The following COLEC12 variants were observed in gnomAD, a reference collection of about 807,000 sequenced individuals.
The protein encoded by COLEC12 is collectin-12.
COLEC12 carries 33 observed loss-of-function variants against 71.1 expected under a neutral mutation model. The ratio of observed to expected loss-of-function variants is 0.46; its 90% CI spans 0.35 to 0.62. The LOEUF is 0.62. COLEC12 is among the 20% of genes least tolerant of loss of function. The pLI is 0.00. For missense variants in COLEC12, 765 were observed against 916.1 expected, an observed-to-expected ratio of 0.84 and a Z score of 2.13; for synonymous variants, 350 against 353.0, an observed-to-expected ratio of 0.99 and a Z score of 0.10.
chr18:433,528 T>C (rs917052471), intron 2 of COLEC12, among the ~76,000 whole-genome samples: 1 of 152,082 alleles, frequency 6.6e-6, no homozygotes, highest in Non-Finnish European at 1.5e-5. Context: ...TTAGGAGATG[T>C]TGCATTCCCC....
At chr18:466,380 C>T (rs1164809886) in intron 2 of COLEC12, among the ~76,000 whole-genome samples, 3 of 152,194 alleles carry the variant, frequency 2.0e-5, no homozygotes, top group Non-Finnish European at 2.9e-5. Flanking sequence ...TGGCCCTCCG[C>T]CTTCTCCCAA....
chr18:397,177 C>T (rs1970643), intron 2 of COLEC12, among the ~76,000 whole-genome samples: 149,731 of 152,312 alleles, frequency 0.98, 73,641 homozygotes, highest in Middle Eastern at 1. Context: ...CCCTCTTATC[C>T]GTGGCTTCTA....
At chr18:368,693 T>C (rs1001818943) in intron 2 of COLEC12, among the ~76,000 whole-genome samples, 6 of 149,508 alleles carry the variant, frequency 4.0e-5, no homozygotes, top group South Asian at 2.1e-4. Context: ...TGAAACCCCG[T>C]CTCCACTAAA....
intron 2 of COLEC12, among the ~76,000 whole-genome samples, chr18:414,170 C>A (rs1450986675): frequency 1.3e-5 from 2 of 152,278 alleles, no homozygotes; most frequent in South Asian, 2.1e-4. Flanking sequence ...CATATTATTT[C>A]TTGCAACTGC....
At chr18:392,921 T>C (rs555449357) in intron 2 of COLEC12, among the ~76,000 whole-genome samples, 1 of 152,382 alleles carries the variant, frequency 6.6e-6, no homozygotes, top group South Asian at 2.1e-4. Flanking sequence ...TCCTTTGTTC[T>C]TGAGGTCTTC....
rs1917796347 is a variant in COLEC12, at chr18:500,321, G to T, written c.7+187C>A. Among the ~76,000 whole-genome samples the T allele has an allele frequency of 6.6e-6, 1 of 152,112 alleles. No homozygotes were observed. The highest frequency in any genetic ancestry group is 6.5e-5 in the Admixed American group (1 of 15,280). The stretch of plus-strand genomic sequence containing the variant: ...CAAAACCCCAACCTCGAGGTCTCCA[G>T]CCGCGCCTGACCCGGGAGCCGGGTG... On this transcript the variant is annotated intron_variant, in intron 1 of 9. Transcript: ENST00000400256. This position sits in a 1 kb window ranked among gnomAD's most constrained non-coding sequence, Gnocchi z 5.3.
At chr18:424,592 C>T (rs1277080763) in intron 2 of COLEC12, among the ~76,000 whole-genome samples, 1 of 152,130 alleles carries the variant, frequency 6.6e-6, no homozygotes, top group Non-Finnish European at 1.5e-5. Flanking sequence ...ATTCAGTGTC[C>T]TTTACTATTT....
chr18:382,162 A>C (rs140184412), intron 2 of COLEC12, among the ~76,000 whole-genome samples: 72 of 152,364 alleles, frequency 4.7e-4, no homozygotes, highest in African/African-American at 1.7e-3. Flanking sequence ...AGATGGCCAG[A>C]TGATCTGATT....
rs1450099709 is a variant in COLEC12, at chr18:317,909, T to G, written c.*2136A>C. ...CTGTGAAAACAGCATGAATGGGGAA[T>G]GGAGACTGTGGGCAAAGCAGTACAG... On this transcript the variant is annotated 3_prime_UTR_variant, in exon 10 of 10. Coordinates refer to ENST00000400256, the MANE Select transcript of COLEC12 (RefSeq NM_130386.3). The G allele has an allele frequency of 6.6e-6, 1 of 151,934 alleles. No homozygotes were observed. The allele number at this position is 151,934 out of a possible 1,614,324, so 9.4% of individuals were successfully genotyped here.
At position 322,714 on chromosome 18, in the gene COLEC12, C is replaced by T. The variant is rs116181187; in HGVS notation, c.2064-907G>A. Among the ~76,000 whole-genome samples, 1,026 of 152,222 alleles carry T rather than the reference C, an allele frequency of 6.7e-3. 15 individuals carry two copies. Among genetic ancestry groups the T allele is most frequent in the African/African-American group, 0.023 (942 of 41,526 alleles). ...GGAGGGTCTGGAAGAACATCTGCAG[C>T]GGAGGGTGCTTCCTATAAACAATGA... On this transcript the variant is annotated intron_variant, in intron 8 of 9. Coordinates refer to ENST00000400256, the MANE Select transcript of COLEC12 (RefSeq NM_130386.3).
chr18:407,161 C>T (rs1026665075), intron 2 of COLEC12, among the ~76,000 whole-genome samples: 1 of 152,208 alleles, frequency 6.6e-6, no homozygotes, highest in African/African-American at 2.4e-5. Flanking sequence ...GAGAGATGTC[C>T]ATCTAAACCC....
At position 416,071 on chromosome 18, in the gene COLEC12, TG is replaced by T. The variant is rs146347260; in HGVS notation, c.59-58550del. Reference sequence around the variant, plus strand: ...TGAGTTATCATCATGCTAGTAGATGTGGGTGAAATATTTGTGGGGAGATGAC... The same window carrying T: ...TGAGTTATCATCATGCTAGTAGATGTGGTGAAATATTTGTGGGGAGATGAC... On this transcript the variant is annotated intron_variant, in intron 2 of 9. Transcript: ENST00000400256. 8.5e-3 allele frequency among the ~76,000 whole-genome samples: 1,288 copies of T among 152,322 alleles called. 14 individuals carry two copies. Among genetic ancestry groups the T allele is most frequent in the African/African-American group, 0.029 (1,219 of 41,570 alleles).
chr18:484,209 C>G (rs577871879), intron 1 of COLEC12, among the ~76,000 whole-genome samples: 17 of 152,344 alleles, frequency 1.1e-4, no homozygotes, highest in African/African-American at 3.8e-4. Context: ...TGACTTCTCT[C>G]TCCTTCCTGA....
chr18:441,475 G>A (rs556731291), intron 2 of COLEC12, among the ~76,000 whole-genome samples: 6 of 152,130 alleles, frequency 3.9e-5, no homozygotes, highest in South Asian at 4.1e-4. Flanking sequence ...ATAATGGTGC[G>A]CAACGCAGAC....
intron 2 of COLEC12, among the ~76,000 whole-genome samples, chr18:417,926 T>G (rs1206340833): frequency 6.6e-6 from 1 of 152,158 alleles, no homozygotes; most frequent in Non-Finnish European, 1.5e-5. Context: ...GGCGATTCAG[T>G]CCTCGGAGGC....
chr18:393,409 G>A (rs866958010), intron 2 of COLEC12, among the ~76,000 whole-genome samples: 1 of 94,964 alleles, frequency 1.1e-5, no homozygotes, highest in South Asian at 3.4e-4. Flanking sequence ...GAGCTCGGAG[G>A]CACAGCAAAT....
chr18:343,851 G>C (rs984792385), intron 5 of COLEC12, among the ~76,000 whole-genome samples: 2 of 152,208 alleles, frequency 1.3e-5, no homozygotes, highest in African/African-American at 4.8e-5. Flanking sequence ...TAGAGCTGCT[G>C]TCAGGATTCA....
At chr18:499,468 C>A (rs889621020) in intron 1 of COLEC12, among the ~76,000 whole-genome samples, 1 of 152,170 alleles carries the variant, frequency 6.6e-6, no homozygotes, top group Admixed American at 6.5e-5. Context: ...GCTTCCCGGG[C>A]GCCTCCCTCG....
chr18:414,988 T>C lies in COLEC12; in HGVS notation c.59-57466A>G, dbSNP rs565684090. 2.0e-5 allele frequency among the ~76,000 whole-genome samples: 3 copies of C among 152,374 alleles called. No individual in the cohort carries two copies. The South Asian group carries it at 6.2e-4, about 32-fold the overall frequency. On this transcript the variant is annotated intron_variant, in intron 2 of 9. Coordinates refer to ENST00000400256, the MANE Select transcript of COLEC12 (RefSeq NM_130386.3). ...CACTTGGAATATTCAAATGCTTCTC[T>C]GCACCTAATAAAACTACTGTCCCAA...
Sources: allele counts gnomAD v4.1 joint callset (sites outside exome capture counted in the v4.1 genomes callset), GRCh38; gene constraint gnomAD v4.1.1; non-coding constraint Gnocchi (gnomAD v3.1); transcripts MANE v1.5; gene names NCBI Gene and HGNC (gene_info 2026-07-23, HGNC 2026-07-21).